CACNA2D3: variants seen among roughly 807,000 people sequenced by gnomAD.
CACNA2D3 encodes the protein calcium voltage-gated channel auxiliary subunit alpha2delta 3.
Under a neutral mutation model 160.6 loss-of-function variants are expected in CACNA2D3, and 60 were observed. The ratio of observed to expected loss-of-function variants is 0.37; its 90% CI spans 0.30 to 0.46. The LOEUF (loss-of-function observed/expected upper bound fraction) is 0.46. CACNA2D3 is among the 20% of genes least tolerant of loss of function. The pLI, the probability that CACNA2D3 is intolerant of heterozygous loss-of-function variation, is 1.00. For synonymous variants in CACNA2D3, 558 were observed against 492.9 expected, an observed-to-expected ratio of 1.13 and a Z score of -1.75; for missense variants, 1,205 against 1,365.0, an observed-to-expected ratio of 0.88 and a Z score of 1.85.
At chr3:54,443,479 C>T (rs1486386674) in intron 4 of CACNA2D3, among the ~76,000 whole-genome samples, 2 of 152,130 alleles carry the variant, frequency 1.3e-5, no homozygotes, top group Admixed American at 1.3e-4. Context: ...GCTCCTTGTC[C>T]ATAGCTGTTA....
chr3:54,400,073 C>T (rs1473204603), intron 4 of CACNA2D3, among the ~76,000 whole-genome samples: 26 of 137,974 alleles, frequency 1.9e-4, no homozygotes, highest in East Asian at 8.7e-4. Flanking sequence ...CCAGGTGCGT[C>T]CGTCACCCCT....
chr3:54,400,958 C>G (rs558713640), intron 4 of CACNA2D3, among the ~76,000 whole-genome samples: 8 of 152,042 alleles, frequency 5.3e-5, no homozygotes, highest in Admixed American at 2.0e-4. Flanking sequence ...TGAGGAAACT[C>G]TGTGAGATTT....
chr3:55,002,652 G>C (rs1393355542), intron 31 of CACNA2D3, among the ~76,000 whole-genome samples: 4 of 152,210 alleles, frequency 2.6e-5, no homozygotes, highest in Admixed American at 6.5e-5. Context: ...GCCTGCATCT[G>C]TGTAAGGAAA....
intron 35 of CACNA2D3, among the ~76,000 whole-genome samples, chr3:55,055,390 T>C (rs1040840227): frequency 2.0e-5 from 3 of 152,134 alleles, no homozygotes; most frequent in African/African-American, 7.2e-5. Flanking sequence ...CTCTTTATTC[T>C]GTTCCATTAA....
intron 6 of CACNA2D3, 53 bp from the exon 7 acceptor site, chr3:54,569,742 A>G (rs941677767): frequency 8.8e-5 from 120 of 1,369,840 alleles, no homozygotes; most frequent in Non-Finnish European, 1.2e-4. Context: ...TTGAAATGCT[A>G]TGAATAAATA....
At chr3:55,034,306 C>T (rs75798402) in intron 35 of CACNA2D3, among the ~76,000 whole-genome samples, 9,743 of 151,852 alleles carry the variant, frequency 0.064, 448 homozygotes, top group Middle Eastern at 0.12. Context: ...CAAATTTGAA[C>T]ATCTGTCATA....
chr3:54,533,314 C>T (rs13073425), intron 5 of CACNA2D3, among the ~76,000 whole-genome samples: 90,733 of 146,836 alleles, frequency 0.62, 28,058 homozygotes, highest in Middle Eastern at 0.66. Context: ...CATGGGCTAA[C>T]GTATTTTCTT....
intron 27 of CACNA2D3, among the ~76,000 whole-genome samples, chr3:54,945,993 T>C (rs17054586): frequency 0.19 from 29,096 of 152,188 alleles, 3,583 homozygotes; most frequent in African/African-American, 0.35. Flanking sequence ...CTTATTCGCC[T>C]AGCTCTTTCC....
At chr3:54,596,708 C>T (rs371355341) in intron 9 of CACNA2D3, among the ~76,000 whole-genome samples, 1 of 152,100 alleles carries the variant, frequency 6.6e-6, no homozygotes, top group Non-Finnish European at 1.5e-5. Context: ...AATCAAAATT[C>T]TTCTGTTCTT....
At chr3:54,169,731 G>A (rs146801325) in intron 2 of CACNA2D3, among the ~76,000 whole-genome samples, 21 of 151,540 alleles carry the variant, frequency 1.4e-4, no homozygotes, top group Admixed American at 4.0e-4. Context: ...GCAAGTGTGC[G>A]TGTGTGCGAG....
chr3:54,979,892 A>G (rs1458700742), intron 29 of CACNA2D3, among the ~76,000 whole-genome samples: 2 of 152,234 alleles, frequency 1.3e-5, no homozygotes, highest in Non-Finnish European at 2.9e-5. Context: ...GACAGCCACT[A>G]TTAAAGCCAC....
At chr3:54,481,612 G>A (rs540824691) in intron 4 of CACNA2D3, among the ~76,000 whole-genome samples, 5 of 152,310 alleles carry the variant, frequency 3.3e-5, no homozygotes, top group Middle Eastern at 3.4e-3. Flanking sequence ...AGTGTACACG[G>A]CCTTCATTCT....
chr3:54,879,314 CT>C (rs1699737525), intron 19 of CACNA2D3, 35 bp from the exon 20 acceptor site: 1 of 1,504,994 alleles, frequency 6.6e-7, no homozygotes, highest in Admixed American at 2.0e-5. Flanking sequence ...ACCATGTTTT[CT>C]TTTCTCTACG....
chr3:54,696,092 G>T (rs1329923200), intron 11 of CACNA2D3, among the ~76,000 whole-genome samples: 2 of 152,248 alleles, frequency 1.3e-5, no homozygotes, highest in South Asian at 2.1e-4. Context: ...GTCGGGGAGT[G>T]GGTTGTGTTC....
intron 4 of CACNA2D3, among the ~76,000 whole-genome samples, chr3:54,476,134 G>A (rs1700826702): frequency 6.9e-6 from 1 of 145,388 alleles, no homozygotes; most frequent in South Asian, 2.2e-4. Flanking sequence ...TTAGCATAAT[G>A]TCCTCCTGGT....
intron 35 of CACNA2D3, among the ~76,000 whole-genome samples, chr3:55,067,735 AC>A (rs1704696129): frequency 6.6e-6 from 1 of 152,140 alleles, no homozygotes; most frequent in Non-Finnish European, 1.5e-5. Flanking sequence ...ATACATACAT[AC>A]ATACATACAT....
At chr3:54,533,196 C>A (rs1021917574) in intron 5 of CACNA2D3, among the ~76,000 whole-genome samples, 2 of 152,188 alleles carry the variant, frequency 1.3e-5, no homozygotes, top group African/African-American at 4.8e-5. Context: ...CAAATCCTGT[C>A]AACCTTAGAG....
intron 2 of CACNA2D3, among the ~76,000 whole-genome samples, chr3:54,260,925 C>T (rs973316052): frequency 1.3e-5 from 2 of 152,188 alleles, no homozygotes; most frequent in Non-Finnish European, 2.9e-5. Context: ...GTGACTCCGT[C>T]TCATTTCCTC....
At chr3:54,977,194 A>G (rs1207490587) in intron 29 of CACNA2D3, among the ~76,000 whole-genome samples, 2 of 152,234 alleles carry the variant, frequency 1.3e-5, no homozygotes, top group Non-Finnish European at 2.9e-5. Flanking sequence ...GGTAAAATAT[A>G]GTAAAGAGTT....
Sources: allele counts gnomAD v4.1 joint callset (sites outside exome capture counted in the v4.1 genomes callset), GRCh38; gene constraint gnomAD v4.1.1; transcripts MANE v1.5; gene names NCBI Gene and HGNC (gene_info 2026-07-23, HGNC 2026-07-21).